Variants in KMT2C observed in about 807,000 individuals in gnomAD.
The protein encoded by KMT2C is lysine methyltransferase 2C.
Under a neutral mutation model 507.9 loss-of-function variants are expected in KMT2C, and 88 were observed. The ratio of observed to expected loss-of-function variants is 0.17; its 90% CI spans 0.15 to 0.21. KMT2C has a LOEUF of 0.21. Ranked by LOEUF, KMT2C falls within the 10% of genes least tolerant of loss-of-function variation. The pLI is 1.00. For missense variants in KMT2C, 4,954 were observed against 5,957.8 expected (o/e 0.83, Z 5.55); for synonymous variants, 2,049 against 2,080.8 (o/e 0.98, Z 0.42).
chr7:152,428,751 C>T (rs1364985113), intron 1 of KMT2C, among the ~76,000 whole-genome samples: 1 of 152,144 alleles, frequency 6.6e-6, no homozygotes, highest in African/African-American at 2.4e-5. Context: ...TTAAGCAGGG[C>T]ATAAGGACTC....
chr7:152,148,730 A>G lies in KMT2C; in HGVS notation c.13197T>C (p.Tyr4399=). The change falls in exon 52 of 59, where the codon TAT becomes TAC. Residue 4399 remains tyrosine (Y), a synonymous_variant. Transcript: ENST00000262189. The surrounding 1 kb of genome is among the most constrained non-coding windows in gnomAD (Gnocchi z 7.1). ...SLKPDPVPKD[Y]RKCCFCHEEG... The stretch of plus-strand genomic sequence containing the variant: ...CTTCATGACAAAAGCAACATTTCCG[A>G]TAGTCTTTGGGCACAGGATCAGGTT... 6.2e-7 allele frequency: 1 copy of G among 1,614,166 alleles called. No homozygotes were observed. Among genetic ancestry groups the G allele is most frequent in the Non-Finnish European group, 8.5e-7 (1 of 1,180,018 alleles).
chr7:152,256,383 T>G (rs1166588275), intron 9 of KMT2C, among the ~76,000 whole-genome samples: 1 of 151,594 alleles, frequency 6.6e-6, no homozygotes, highest in Non-Finnish European at 1.5e-5. Flanking sequence ...CTGGACAACA[T>G]AGTGAGACCC....
At chr7:152,362,027 A>C (rs1316374265) in intron 1 of KMT2C, among the ~76,000 whole-genome samples, 1 of 152,224 alleles carries the variant, frequency 6.6e-6, no homozygotes, top group African/African-American at 2.4e-5. Flanking sequence ...TACAGAAATA[A>C]ATAAAACAAA....
chr7:152,312,534 G>A (rs1156782976), intron 4 of KMT2C, among the ~76,000 whole-genome samples: 6 of 152,130 alleles, frequency 3.9e-5, no homozygotes, highest in Admixed American at 1.3e-4. Context: ...GTGGCATGAC[G>A]TTGCAAGTAC....
At chr7:152,142,054 G>T (rs1262780213) in intron 55 of KMT2C, among the ~76,000 whole-genome samples, 1 of 152,164 alleles carries the variant, frequency 6.6e-6, no homozygotes, top group Admixed American at 6.5e-5. Context: ...TTAAAAATGA[G>T]TGGGTTACTT....
At position 152,152,936 on chromosome 7, in the gene KMT2C, C is replaced by T. The variant is rs2129097745; in HGVS notation, c.12295G>A (p.Ala4099Thr). ...ACGTGAAGAAGGTCGGAAAATGCAG[C>T]CACAACACTGCTAATGTTCTAAAAC... is the stretch of plus-strand genomic sequence containing the variant. The part of the protein sequence containing the change: ...TAAENISSVV[A>T]AFSDLLHVRI... The change falls in exon 49 of 59, where the codon GCT (alanine) becomes ACT (threonine). Residue 4099 changes from alanine to threonine, a missense_variant. Ala to Thr is a moderately conservative substitution (Grantham distance 58, BLOSUM62 0). Around this residue, in one of 29 missense-constraint regions of KMT2C, gnomAD observed 417 missense variants for 461.1 expected, o/e 0.90. Transcript: ENST00000262189. 1 of 1,614,174 alleles carries T rather than the reference C, an allele frequency of 6.2e-7. No individual in the cohort carries two copies. Among genetic ancestry groups the T allele is most frequent in the South Asian group, 1.1e-5 (1 of 91,082 alleles).
At chr7:152,371,073 T>C (rs1353437913) in intron 1 of KMT2C, among the ~76,000 whole-genome samples, 1 of 152,166 alleles carries the variant, frequency 6.6e-6, no homozygotes, top group Non-Finnish European at 1.5e-5. Context: ...TAAAACTCAC[T>C]ATAAAGATAA....
chr7:152,159,119 TTGGTTTTTAGTTCA>T (rs2092290066), intron 43 of KMT2C, 47 bp from the exon 44 acceptor site: 2 of 1,580,934 alleles, frequency 1.3e-6, no homozygotes, highest in East Asian at 4.5e-5. Context: ...ATTTGCATAT[TTGGTTTTTAGTTCA>T]TGCAGTGCCA....
At chr7:152,265,949 A>G (rs1222505632) in intron 7 of KMT2C, among the ~76,000 whole-genome samples, 1 of 152,298 alleles carries the variant, frequency 6.6e-6, no homozygotes, top group East Asian at 1.9e-4. Context: ...AAAACAGAAA[A>G]TATAAGGATA....
chr7:152,215,688 T>TATATATATATATATATATATACACAC (rs766518165), intron 23 of KMT2C, among the ~76,000 whole-genome samples: 2 of 134,432 alleles, frequency 1.5e-5, no homozygotes, highest in Admixed American at 7.3e-5. Context: ...TATATATATA[T>TATATATATATATATATATATACACAC]ACACACACAC....
intron 14 of KMT2C, among the ~76,000 whole-genome samples, chr7:152,245,877 A>G (rs2095463991): frequency 1.3e-5 from 2 of 152,304 alleles, no homozygotes; most frequent in South Asian, 4.1e-4. Flanking sequence ...GATGTTAACA[A>G]AAAATAGCTG....
chr7:152,310,191 C>T, intron 5 of KMT2C, 116 bp from the exon 6 acceptor site: 1 of 683,430 alleles, frequency 1.5e-6, no homozygotes, highest in Non-Finnish European at 2.5e-6. Context: ...CAATGGCATC[C>T]TGTATTTGTG....
chr7:152,139,595 C>T, intron 56 of KMT2C, 80 bp downstream of exon 56: 4 of 943,950 alleles, frequency 4.2e-6, no homozygotes, highest in Non-Finnish European at 6.9e-6. Flanking sequence ...TTCATTCTGC[C>T]TTCCAGGGTG....
chr7:152,232,772 T>C (rs1038404307), intron 16 of KMT2C, among the ~76,000 whole-genome samples: 2 of 151,984 alleles, frequency 1.3e-5, no homozygotes, highest in Non-Finnish European at 2.9e-5. Context: ...ATCATCATCA[T>C]CAGTAAGAAA....
intron 1 of KMT2C, among the ~76,000 whole-genome samples, chr7:152,363,903 C>T (rs1450069854): frequency 2.6e-5 from 4 of 152,168 alleles, no homozygotes; most frequent in African/African-American, 7.2e-5. Context: ...ATTCCCAGAG[C>T]TCACAGAAAG....
intron 6 of KMT2C, among the ~76,000 whole-genome samples, chr7:152,294,634 C>G (rs1353675168): frequency 6.7e-6 from 1 of 150,242 alleles, no homozygotes; most frequent in Admixed American, 6.6e-5. Context: ...CCCTCTCTGC[C>G]GGACCCGCCA....
chr7:152,142,680 T>C (rs890358825), intron 55 of KMT2C, among the ~76,000 whole-genome samples: 3 of 152,142 alleles, frequency 2.0e-5, no homozygotes, highest in South Asian at 2.1e-4. Context: ...ATAAATCAAA[T>C]ACACACTCAT....
intron 12 of KMT2C, among the ~76,000 whole-genome samples, chr7:152,250,483 A>ACC (rs2095546476): frequency 1.3e-5 from 2 of 152,188 alleles, no homozygotes; most frequent in Admixed American, 6.5e-5. Context: ...AAGTGAAATA[A>ACC]CCCTCAATAG....
intron 2 of KMT2C, among the ~76,000 whole-genome samples, chr7:152,348,599 T>TAAAAAAAAAAAAAAAAAAAAAA (rs201530125): frequency 3.3e-4 from 16 of 48,996 alleles, no homozygotes; most frequent in Admixed American, 5.1e-4. Flanking sequence ...AACTCTGTCT[T>TAAAAAAAAAAAAAAAAAAAAAA]AAAAAAAAAA....
Sources: allele counts gnomAD v4.1 joint callset (sites outside exome capture counted in the v4.1 genomes callset), GRCh38; gene constraint gnomAD v4.1.1; regional missense constraint gnomAD v4.1.1; non-coding constraint Gnocchi (gnomAD v3.1); transcripts MANE v1.5; gene names NCBI Gene and HGNC (gene_info 2026-07-23, HGNC 2026-07-21).